Variants in SLC5A3 observed in about 807,000 individuals in gnomAD.
SLC5A3 encodes the protein solute carrier family 5 member 3.
In SLC5A3, 10 loss-of-function variants were observed where a neutral mutation model predicts 43.2. The observed-to-expected ratio is 0.23, with a 90% CI of 0.14 to 0.39. SLC5A3 has a LOEUF of 0.39. Among genes scored for constraint, SLC5A3 ranks in the 10% least tolerant of loss-of-function variants. SLC5A3 has a pLI of 1.00. For synonymous variants in SLC5A3, 349 were observed against 322.0 expected, an observed-to-expected ratio of 1.08 and a Z score of -0.90; for missense variants, 608 against 893.4, an observed-to-expected ratio of 0.68 and a Z score of 4.07.
Position 34,097,380 on chromosome 21 carries a change from A to G in SLC5A3, c.*25A>G, listed in dbSNP as rs749310015. The G allele has an allele frequency of 5.0e-5, 78 of 1,556,612 alleles. No individual in the cohort carries two copies. Among genetic ancestry groups the G allele is most frequent in the Non-Finnish European group, 6.6e-5 (76 of 1,154,184 alleles). On this transcript the variant is annotated 3_prime_UTR_variant, in exon 2 of 2. Transcript: ENST00000381151. ...AACTTAAGGATATGGTGAGACACTA[A>G]CTTAAGACAATACTGACTGGTCTTT...
intron 1 of SLC5A3, among the ~76,000 whole-genome samples, chr21:34,081,102 T>C (rs1037050927): frequency 2.2e-4 from 33 of 152,178 alleles, no homozygotes; most frequent in African/African-American, 7.0e-4. Flanking sequence ...GAATTAGATA[T>C]GGCTGAAATA....
rs1978347284 is a variant in SLC5A3 at position 34,085,903 on chromosome 21, G to GAA, written c.-336-8958_-336-8957dup. Among the ~76,000 whole-genome samples, 9 of 152,240 alleles carry GAA rather than the reference G, an allele frequency of 5.9e-5. No individual in the cohort carries two copies. In the South Asian group the frequency reaches 1.9e-3, roughly 32 times the overall value. Reference sequence around the variant, plus strand: ...AGGTGTGAGCCACTGCGCCCGGCCAGAAATAAGGACTTTTAAACAACCGTA... The same window carrying GAA: ...AGGTGTGAGCCACTGCGCCCGGCCAGAAAAATAAGGACTTTTAAACAACCGTA... On this transcript the variant is annotated intron_variant, in intron 1 of 1. Coordinates refer to ENST00000381151, the MANE Select transcript of SLC5A3 (RefSeq NM_006933.7).
At chr21:34,083,797 TTGTG>T (rs1038433186) in intron 1 of SLC5A3, among the ~76,000 whole-genome samples, 2 of 152,174 alleles carry the variant, frequency 1.3e-5, no homozygotes, top group African/African-American at 2.4e-5. Context: ...TTTGCAAATT[TTGTG>T]TGTGTAAGAA....
At position 34,101,412 on chromosome 21, in the gene SLC5A3, C is replaced by T; in HGVS notation, c.*4057C>T. On this transcript the variant is annotated 3_prime_UTR_variant, in exon 2 of 2. Coordinates refer to ENST00000381151, the MANE Select transcript of SLC5A3 (RefSeq NM_006933.7). ...AATTTAGTAGAAAAATGCTTTGAGG[C>T]TTCAGTATTTGTAAGATTTTGCATT... The T allele has an allele frequency of 3.0e-6, 3 of 1,000,110 alleles. No homozygotes were observed. Among genetic ancestry groups the T allele is most frequent in the Non-Finnish European group, 3.6e-6 (3 of 829,928 alleles). 62.0% of individuals were successfully genotyped at this position (1,000,110 alleles called of 1,614,324 possible).
chr21:34,097,113 A>T lies in SLC5A3; in HGVS notation c.1915A>T (p.Met639Leu). The T allele has an allele frequency of 6.2e-7, 1 of 1,611,430 alleles. No homozygotes were observed. Among genetic ancestry groups the T allele is most frequent in the Non-Finnish European group, 8.5e-7 (1 of 1,177,578 alleles). Residue 639 changes from methionine (M) to leucine (L), a missense_variant, in exon 2 of 2, where the codon ATG (methionine) becomes TTG (leucine). Physicochemically the swap from Met to Leu is conservative, Grantham distance 15. Coordinates refer to ENST00000381151, the MANE Select transcript of SLC5A3 (RefSeq NM_006933.7). ...TTACTCCAATGGGCAAGCAGCTCTCATGGGTGAGAAAGAGAGAAAGAAAGA... is the reference window on the plus strand; with the variant it reads ...TTACTCCAATGGGCAAGCAGCTCTCTTGGGTGAGAAAGAGAGAAAGAAAGA... The part of the protein sequence containing the change: ...DAYSNGQAAL[M>L]GEKERKKETD...
At chr21:34,081,324 A>G (rs1989453920) in intron 1 of SLC5A3, among the ~76,000 whole-genome samples, 1 of 152,140 alleles carries the variant, frequency 6.6e-6, no homozygotes, top group South Asian at 2.1e-4. Flanking sequence ...CATGACCCCT[A>G]TATTGAGGTT....
At chr21:34,088,449 A>G (rs536434065) in intron 1 of SLC5A3, among the ~76,000 whole-genome samples, 1 of 152,310 alleles carries the variant, frequency 6.6e-6, no homozygotes, top group Non-Finnish European at 1.5e-5. Flanking sequence ...ACATCCATTC[A>G]CATGATCACA....
In SLC5A3 at chr21:34,104,247, G is replaced by T; in HGVS notation, c.*6892G>T. On this transcript the variant is annotated 3_prime_UTR_variant, in exon 2 of 2. Coordinates refer to ENST00000381151, the MANE Select transcript of SLC5A3 (RefSeq NM_006933.7). ...GGAGCTACTTTGCTTTTCACAATGG[G>T]GTGGAGAGGATTCTTTCACTTGTCC... 1 of 1,000,042 alleles carries T rather than the reference G, an allele frequency of 1.0e-6. No homozygotes were observed. Among genetic ancestry groups the T allele is most frequent in the African/African-American group, 1.7e-5 (1 of 57,336 alleles). The allele number at this position is 1,000,042 out of a possible 1,614,324, so 61.9% of individuals were successfully genotyped here.
In SLC5A3 at chr21:34,099,305, CTT is replaced by C. The variant is rs1979123154; in HGVS notation, c.*1953_*1954del. 1 of 1,000,146 alleles carries C rather than the reference CTT, an allele frequency of 1.0e-6. No individual in the cohort carries two copies. The allele number at this position is 1,000,146 out of a possible 1,614,324, so 62.0% of individuals were successfully genotyped here. On this transcript the variant is annotated 3_prime_UTR_variant, in exon 2 of 2. Coordinates refer to ENST00000381151, the MANE Select transcript of SLC5A3 (RefSeq NM_006933.7). ...CGACATGTCCAAGGTTATGAAGTCTCTTTTGGGAAGAACAGAAACCAGGTCTC... is the reference window on the plus strand; with the variant it reads ...CGACATGTCCAAGGTTATGAAGTCTCTTGGGAAGAACAGAAACCAGGTCTC...
chr21:34,091,552 C>T (rs1363408669), intron 1 of SLC5A3, among the ~76,000 whole-genome samples: 1 of 152,094 alleles, frequency 6.6e-6, no homozygotes, highest in African/African-American at 2.4e-5. Context: ...TTTGGTCTTA[C>T]CTTTTTTTCT....
chr21:34,083,630 A>G (rs1989506883), intron 1 of SLC5A3, among the ~76,000 whole-genome samples: 1 of 152,156 alleles, frequency 6.6e-6, no homozygotes, highest in Non-Finnish European at 1.5e-5. Flanking sequence ...TGTTTTGTTA[A>G]TAGTCATATG....
In SLC5A3 at chr21:34,097,449, A is replaced by C; in HGVS notation, c.*94A>C. On this transcript the variant is annotated 3_prime_UTR_variant, in exon 2 of 2. Coordinates refer to ENST00000381151, the MANE Select transcript of SLC5A3 (RefSeq NM_006933.7). ...ACTGTGCATCTCTCAGGCATTGTTT[A>C]CGCTGTAGGTTTTAGCCAAATTTTA... 1 of 1,485,232 alleles carries C rather than the reference A, an allele frequency of 6.7e-7. No individual in the cohort carries two copies. Among genetic ancestry groups the C allele is most frequent in the Non-Finnish European group, 8.9e-7 (1 of 1,120,088 alleles). 92.0% of individuals were successfully genotyped at this position (1,485,232 alleles called of 1,614,324 possible).
chr21:34,099,394 T>G lies in SLC5A3; in HGVS notation c.*2039T>G, dbSNP rs1979127853. The stretch of plus-strand genomic sequence containing the variant: ...ACAAATGGTTGTCAATGTTTTGTCC[T>G]GTTTTTTCAAAGGAACTGTTCTTCC... On this transcript the variant is annotated 3_prime_UTR_variant, in exon 2 of 2. Coordinates refer to ENST00000381151, the MANE Select transcript of SLC5A3 (RefSeq NM_006933.7). The G allele has an allele frequency of 1.0e-6, 1 of 1,000,238 alleles. No individual in the cohort carries two copies. Among genetic ancestry groups the G allele is most frequent in the Non-Finnish European group, 1.2e-6 (1 of 829,946 alleles). The allele number at this position is 1,000,238 out of a possible 1,614,324, so 62.0% of individuals were successfully genotyped here.
chr21:34,075,168 T>C (rs980616504), intron 1 of SLC5A3, among the ~76,000 whole-genome samples: 3 of 152,180 alleles, frequency 2.0e-5, no homozygotes, highest in South Asian at 4.1e-4. Context: ...TCAACTTACG[T>C]GTTTTAGGGA....
In SLC5A3 at chr21:34,098,734, C is replaced by G. The variant is rs1239810024; in HGVS notation, c.*1379C>G. ...ATTATAGGACTCTAACTTGACATGG[C>G]TTGGCACCCACTTGCAGCTAGTGGG... On this transcript the variant is annotated 3_prime_UTR_variant, in exon 2 of 2. Transcript: ENST00000381151. 1 of 1,000,196 alleles carries G rather than the reference C, an allele frequency of 1.0e-6. No homozygotes were observed. Among genetic ancestry groups the G allele is most frequent in the East Asian group, 1.1e-4 (1 of 8,804 alleles). 62.0% of individuals were successfully genotyped at this position (1,000,196 alleles called of 1,614,324 possible).
In SLC5A3 at chr21:34,073,668, G is replaced by A; in HGVS notation, c.-414G>A. On this transcript the variant is annotated 5_prime_UTR_variant, in exon 1 of 2. Transcript: ENST00000381151. ...CCCCTTCGCGTCCCGGGAACCGGCT[G>A]GCTTCCGAGCCGCACTCGCCGATCC... 1 of 1,512,602 alleles carries A rather than the reference G, an allele frequency of 6.6e-7. No homozygotes were observed. Among genetic ancestry groups the A allele is most frequent in the Admixed American group, 1.9e-5 (1 of 53,738 alleles). The allele number at this position is 1,512,602 out of a possible 1,614,324, so 93.7% of individuals were successfully genotyped here.
In SLC5A3 at chr21:34,097,502, A is replaced by G; in HGVS notation, c.*147A>G. 7.1e-7 allele frequency: 1 copy of G among 1,414,438 alleles called. No individual in the cohort carries two copies. Among genetic ancestry groups the G allele is most frequent in the Non-Finnish European group, 9.2e-7 (1 of 1,082,528 alleles). 87.6% of individuals were successfully genotyped at this position (1,414,438 alleles called of 1,614,324 possible). On this transcript the variant is annotated 3_prime_UTR_variant, in exon 2 of 2. Transcript: ENST00000381151. ...TAGCAGAAAATCATCTAATTACAAGACTTTATTTTCCCAGAGATGGATTAA... is the reference window on the plus strand; with the variant it reads ...TAGCAGAAAATCATCTAATTACAAGGCTTTATTTTCCCAGAGATGGATTAA...
rs745889764 is a variant in SLC5A3 at position 34,096,262 on chromosome 21, T to C, written c.1064T>C (p.Val355Ala). ...TCCAATATTGCTTACCCACGCCTGG[T>C]GATGAAGCTGGTTCCTGTGGGCCTT... ...GCSNIAYPRLVMKLVPVGLRG... is the reference protein window; with the variant it reads ...GCSNIAYPRLAMKLVPVGLRG... The change falls in exon 2 of 2, where the codon GTG (valine) becomes GCG (alanine). Residue 355 changes from valine to alanine, a missense_variant. Coordinates refer to ENST00000381151, the MANE Select transcript of SLC5A3 (RefSeq NM_006933.7). This position sits in a 1 kb window ranked among gnomAD's most constrained non-coding sequence, Gnocchi z 5.9. The C allele has an allele frequency of 6.8e-6, 11 of 1,613,998 alleles. No homozygotes were observed. Among genetic ancestry groups the C allele is most frequent in the Non-Finnish European group, 8.5e-6 (10 of 1,180,016 alleles).
At position 34,103,061 on chromosome 21, in the gene SLC5A3, G is replaced by A. The variant is rs1417356865; in HGVS notation, c.*5706G>A. The A allele has an allele frequency of 1.0e-6, 1 of 999,998 alleles. No individual in the cohort carries two copies. 61.9% of individuals were successfully genotyped at this position (999,998 alleles called of 1,614,324 possible). On this transcript the variant is annotated 3_prime_UTR_variant, in exon 2 of 2. Coordinates refer to ENST00000381151, the MANE Select transcript of SLC5A3 (RefSeq NM_006933.7). ...TAGCCTAGACTTCTGTAAGTGGAAT[G>A]TTCATTAGTAACTCATCTTTTTGTT...
Sources: allele counts gnomAD v4.1 joint callset (sites outside exome capture counted in the v4.1 genomes callset), GRCh38; gene constraint gnomAD v4.1.1; non-coding constraint Gnocchi (gnomAD v3.1); transcripts MANE v1.5; gene names NCBI Gene and HGNC (gene_info 2026-07-23, HGNC 2026-07-21).